The following TSHR variants were observed in gnomAD, a reference collection of about 807,000 sequenced individuals.
The protein encoded by TSHR is thyroid stimulating hormone receptor.
In TSHR, 51 loss-of-function variants were observed where a neutral mutation model predicts 64.1. That is an observed-to-expected ratio of 0.80 (90% CI 0.64 to 1.01). The LOEUF is 1.01. TSHR is among the 50% of genes least tolerant of loss of function. The pLI is 0.00. For missense variants in TSHR, 877 were observed against 942.8 expected, an observed-to-expected ratio of 0.93 and a Z score of 0.91; for synonymous variants, 361 against 361.9, an observed-to-expected ratio of 1.00 and a Z score of 0.03.
chr14:80,959,335 A>T (rs1886895481), intron 1 of TSHR: 1 of 152,248 alleles, frequency 6.6e-6, no homozygotes, highest in Non-Finnish European at 1.5e-5. Context: ...TAAATGAAGC[A>T]AGAGAATAAA....
At chr14:81,029,647 G>T (rs535443034) in intron 1 of TSHR, among the ~76,000 whole-genome samples, 1 of 152,138 alleles carries the variant, frequency 6.6e-6, no homozygotes, top group South Asian at 2.1e-4. Flanking sequence ...GTACTATGTG[G>T]TAGAAATGAG....
Position 80,955,866 on chromosome 14 carries a change from A to G in TSHR, c.170+16A>G. On this transcript the variant is annotated intron_variant, in intron 1 of 9. Coordinates refer to ENST00000298171, the MANE Select transcript of TSHR (RefSeq NM_000369.5). ...CGCAGACTCTGTGAGTACCCGGGAG[A>G]GATCAGGGTAGGACCCAGAGATCAA... is the stretch of plus-strand genomic sequence containing the variant. The G allele has an allele frequency of 6.2e-7, 1 of 1,614,056 alleles. No individual in the cohort carries two copies. Among genetic ancestry groups the G allele is most frequent in the East Asian group, 2.2e-5 (1 of 44,880 alleles).
At chr14:81,033,557 G>GTTTT (rs373369704) in intron 1 of TSHR, among the ~76,000 whole-genome samples, 1 of 102,106 alleles carries the variant, frequency 9.8e-6, no homozygotes, top group Non-Finnish European at 2.3e-5. Flanking sequence ...TAAAATCAGG[G>GTTTT]TTTTTTTTTT....
chr14:81,133,378 T>G (rs1039521044), intron 8 of TSHR, among the ~76,000 whole-genome samples: 1 of 152,190 alleles, frequency 6.6e-6, no homozygotes, highest in Non-Finnish European at 1.5e-5. Context: ...AGAGGGAGCG[T>G]AGTCAGAGAC....
At chr14:81,013,380 C>A (rs1300162106) in intron 1 of TSHR, 2 of 152,118 alleles carry the variant, frequency 1.3e-5, no homozygotes, top group Admixed American at 6.5e-5. Context: ...TAGTGTGATG[C>A]CTCCAGCTTT....
At chr14:81,064,580 T>C (rs1886472581) in intron 2 of TSHR, among the ~76,000 whole-genome samples, 1 of 151,986 alleles carries the variant, frequency 6.6e-6, no homozygotes, top group Non-Finnish European at 1.5e-5. Flanking sequence ...AAGATCCATG[T>C]CCCCATGGAG....
intron 1 of TSHR, among the ~76,000 whole-genome samples, chr14:81,031,986 C>G (rs982734721): frequency 1.3e-5 from 2 of 152,196 alleles, no homozygotes; most frequent in Non-Finnish European, 2.9e-5. Context: ...ACACAAGAAA[C>G]ACGACACTGC....
intron 3 of TSHR, among the ~76,000 whole-genome samples, chr14:81,072,753 T>TAAAAATATATAAAATGCACACAG: frequency 6.7e-6 from 1 of 149,658 alleles, no homozygotes; most frequent in African/African-American, 2.5e-5. Context: ...AGTGAAAAGC[T>TAAAAATATATAAAATGCACACAG]TTGGGAGGCC....
At chr14:80,981,352 T>C (rs1888157033) in intron 1 of TSHR, among the ~76,000 whole-genome samples, 1 of 152,102 alleles carries the variant, frequency 6.6e-6, no homozygotes, top group Non-Finnish European at 1.5e-5. Context: ...GAATATTGAG[T>C]TTGATGCAGT....
Position 81,087,839 on chromosome 14 carries a change from C to T in TSHR, c.318-115C>T, listed in dbSNP as rs1431829153. The T allele has an allele frequency of 1.5e-5, 13 of 844,532 alleles. No individual in the cohort carries two copies. The East Asian group carries it at 2.5e-4, about 17-fold the overall frequency. The allele number at this position is 844,532 out of a possible 1,614,324, so 52.3% of individuals were successfully genotyped here. A position where few individuals can be genotyped will look rare whatever the true frequency, so the allele number is the denominator to read the frequency against. On this transcript the variant is annotated intron_variant, in intron 3 of 9. Transcript: ENST00000298171. ...CTACAGCCCCTGGGGTACCCTGTGG[C>T]GTAAATGCATATTTTTCTCATGAAC...
At chr14:81,010,141 A>G (rs1889829687) in intron 1 of TSHR, among the ~76,000 whole-genome samples, 2 of 151,964 alleles carry the variant, frequency 1.3e-5, no homozygotes, top group South Asian at 4.2e-4. Context: ...GTTTCACTTT[A>G]CCTTCTTTTT....
chr14:81,031,691 C>G (rs1037721626), intron 1 of TSHR, among the ~76,000 whole-genome samples: 2 of 152,176 alleles, frequency 1.3e-5, no homozygotes, highest in African/African-American at 4.8e-5. Context: ...CTTGCATGAA[C>G]CAGCCTGGCA....
In TSHR at chr14:81,072,813, C is replaced by T. The variant is rs1011873009; in HGVS notation, c.317+4485C>T. ...GAGATCGAGACCATCCCGGCTAAAACGGTGAAACCCCGTCTCTACTAAAAA... is the reference window on the plus strand; with the variant it reads ...GAGATCGAGACCATCCCGGCTAAAATGGTGAAACCCCGTCTCTACTAAAAA... On this transcript the variant is annotated intron_variant, in intron 3 of 9. Transcript: ENST00000298171. Among the ~76,000 whole-genome samples, 94 of 136,528 alleles carry T rather than the reference C, an allele frequency of 6.9e-4. 1 individual carries two copies. The Middle Eastern group carries it at 0.019, about 28-fold the overall frequency. The allele number at this position is 136,528 out of a possible 152,430, so 89.6% of individuals were successfully genotyped here. A position where few individuals can be genotyped will look rare whatever the true frequency, so the allele number is the denominator to read the frequency against.
intron 8 of TSHR, among the ~76,000 whole-genome samples, chr14:81,129,237 C>T (rs1056384313): frequency 3.9e-5 from 6 of 152,182 alleles, no homozygotes; most frequent in African/African-American, 1.2e-4. Context: ...CCTTAGAATA[C>T]ATTAATCCTT....
At chr14:81,088,076 C>A in intron 4 of TSHR, 48 bp downstream of exon 4, 1 of 1,402,812 alleles carries the variant, frequency 7.1e-7, no homozygotes, top group Non-Finnish European at 1.0e-6. Flanking sequence ...GGGAGGGGGT[C>A]AGATTTAATG....
chr14:80,976,802 GA>G (rs1887901119), intron 1 of TSHR, among the ~76,000 whole-genome samples: 1 of 152,216 alleles, frequency 6.6e-6, no homozygotes, highest in Admixed American at 6.5e-5. Context: ...ATAGGAAGAG[GA>G]AACACAGACT....
intron 1 of TSHR, chr14:81,033,230 G>C (rs1884440272): frequency 2.1e-6 from 1 of 468,836 alleles, no homozygotes; most frequent in Non-Finnish European, 4.2e-6. Context: ...GCCCTCAGAA[G>C]GGGCCAGAGC....
At position 81,076,148 on chromosome 14, in the gene TSHR, C is replaced by T. The variant is rs72689943; in HGVS notation, c.317+7820C>T. ...CATCACACTCTGAAGACCATTGCATCTTAAAAGGCTATATGCAAGATTCAA... is the reference window on the plus strand; with the variant it reads ...CATCACACTCTGAAGACCATTGCATTTTAAAAGGCTATATGCAAGATTCAA... On this transcript the variant is annotated intron_variant, in intron 3 of 9. Coordinates refer to ENST00000298171, the MANE Select transcript of TSHR (RefSeq NM_000369.5). Among the ~76,000 whole-genome samples, 276 of 152,292 alleles carry T rather than the reference C, an allele frequency of 1.8e-3. 1 individual carries two copies. The highest frequency in any genetic ancestry group is 0.011 in the South Asian group (53 of 4,820).
At chr14:81,022,089 C>G (rs1374839945) in intron 1 of TSHR, among the ~76,000 whole-genome samples, 1 of 141,468 alleles carries the variant, frequency 7.1e-6, no homozygotes, top group Non-Finnish European at 1.5e-5. Context: ...GGTGAAACCC[C>G]GTCTCTACTA....
Sources: allele counts gnomAD v4.1 joint callset (sites outside exome capture counted in the v4.1 genomes callset), GRCh38; gene constraint gnomAD v4.1.1; transcripts MANE v1.5; gene names NCBI Gene and HGNC (gene_info 2026-07-23, HGNC 2026-07-21).